CDC42BPB: variants seen among roughly 807,000 people sequenced by gnomAD.
CDC42BPB encodes CDC42 binding protein kinase beta.
CDC42BPB carries 37 observed loss-of-function variants against 214.9 expected under a neutral mutation model. That is an observed-to-expected ratio of 0.17 (90% CI 0.13 to 0.23). CDC42BPB has a LOEUF of 0.23. Among genes scored for constraint, CDC42BPB ranks in the 10% least tolerant of loss-of-function variants. The probability of loss-of-function intolerance (pLI) is 1.00; values close to 1 mark genes in which losing one functional copy is unlikely to be tolerated. For synonymous variants in CDC42BPB, 931 were observed against 884.0 expected, an observed-to-expected ratio of 1.05 and a Z score of -0.94; for missense variants, 1,694 against 2,227.0, an observed-to-expected ratio of 0.76 and a Z score of 4.82.
intron 36 of CDC42BPB, among the ~76,000 whole-genome samples, 158 bp downstream of exon 36, chr14:102,937,946 G>C (rs1264695893): frequency 6.6e-6 from 1 of 152,164 alleles, no homozygotes; most frequent in East Asian, 1.9e-4. Context: ...TCCTGGGGGA[G>C]GGGACAGCCA....
intron 36 of CDC42BPB, among the ~76,000 whole-genome samples, chr14:102,935,225 A>G (rs1349820692): frequency 6.6e-6 from 1 of 152,136 alleles, no homozygotes; most frequent in Non-Finnish European, 1.5e-5. Flanking sequence ...CAAAGAAAAG[A>G]ATCCACAAAA....
At chr14:102,959,546 C>A (rs1381274085) in intron 21 of CDC42BPB, 85 bp downstream of exon 21, 4 of 889,738 alleles carry the variant, frequency 4.5e-6, no homozygotes, top group Non-Finnish European at 7.1e-6. Context: ...GTGTTTGTGG[C>A]CCCATGAGTG....
At chr14:102,975,490 T>A (rs1893696454) in intron 11 of CDC42BPB, among the ~76,000 whole-genome samples, 194 bp downstream of exon 11, 2 of 152,124 alleles carry the variant, frequency 1.3e-5, no homozygotes, top group Admixed American at 1.3e-4. Flanking sequence ...ACCACTGCAC[T>A]CCAGCCTGGG....
rs371071870 is a variant in CDC42BPB, at chr14:103,053,572, T to C, written c.175+3427A>G. ...GTCTGGAGATCGAGACCATCCTGGC[T>C]AACACGGTGAAACCCCGTCTCTACT... On this transcript the variant is annotated intron_variant, in intron 1 of 36. Coordinates refer to ENST00000361246, the MANE Select transcript of CDC42BPB (RefSeq NM_006035.4). Among the ~76,000 whole-genome samples the C allele has an allele frequency of 2.0e-3, 309 of 151,116 alleles. 5 individuals carry two copies. The highest frequency in any genetic ancestry group is 0.015 in the South Asian group (71 of 4,764).
At chr14:103,016,448 T>C (rs934963116) in intron 1 of CDC42BPB, among the ~76,000 whole-genome samples, 9 of 126,986 alleles carry the variant, frequency 7.1e-5, no homozygotes, top group African/African-American at 2.7e-4. Flanking sequence ...TGGGGTGGAG[T>C]GAGGAGGACA....
chr14:102,971,406 C>G (rs145821725), intron 13 of CDC42BPB, among the ~76,000 whole-genome samples: 30 of 152,316 alleles, frequency 2.0e-4, no homozygotes, highest in African/African-American at 6.5e-4. Context: ...TGTAATCATT[C>G]CAACAGTGTC....
At chr14:102,993,128 C>T (rs1377127627) in intron 5 of CDC42BPB, among the ~76,000 whole-genome samples, 1 of 152,134 alleles carries the variant, frequency 6.6e-6, no homozygotes, top group Non-Finnish European at 1.5e-5. Context: ...CTGCACCTGG[C>T]CCATCTGCTG....
At chr14:103,053,672 G>C (rs985280569) in intron 1 of CDC42BPB, among the ~76,000 whole-genome samples, 3 of 149,178 alleles carry the variant, frequency 2.0e-5, no homozygotes, top group African/African-American at 7.4e-5. Context: ...TGAGGCAGGA[G>C]AACAACGTGA....
intron 1 of CDC42BPB, 128 bp downstream of exon 1, chr14:103,056,871 G>C (rs900412189): frequency 3.4e-6 from 2 of 584,880 alleles, no homozygotes; most frequent in Non-Finnish European, 5.3e-6. Context: ...AGGAGGCGAA[G>C]CCCACGAGCT....
At chr14:103,020,225 C>T (rs1022981658) in intron 1 of CDC42BPB, among the ~76,000 whole-genome samples, 1 of 152,344 alleles carries the variant, frequency 6.6e-6, no homozygotes, top group African/African-American at 2.4e-5. Flanking sequence ...TTATCCATTA[C>T]GAATAATACC....
At chr14:103,050,528 G>A (rs935550545) in intron 1 of CDC42BPB, among the ~76,000 whole-genome samples, 1 of 152,220 alleles carries the variant, frequency 6.6e-6, no homozygotes, top group African/African-American at 2.4e-5. Flanking sequence ...GGGAGGCCAA[G>A]GTAGGAGGAT....
At chr14:102,963,410 G>C (rs1415364833) in intron 19 of CDC42BPB, 2 of 397,892 alleles carry the variant, frequency 5.0e-6, no homozygotes, top group African/African-American at 4.4e-5. Context: ...TGGAGCTCTT[G>C]ACCTTCCTAA....
At chr14:103,050,482 G>A (rs147063908) in intron 1 of CDC42BPB, among the ~76,000 whole-genome samples, 26 of 152,286 alleles carry the variant, frequency 1.7e-4, no homozygotes, top group African/African-American at 5.8e-4. Flanking sequence ...CTAACATAGC[G>A]GAGCGCAGTG....
At chr14:103,018,944 T>C (rs1234703941) in intron 1 of CDC42BPB, among the ~76,000 whole-genome samples, 1 of 151,978 alleles carries the variant, frequency 6.6e-6, no homozygotes, top group African/African-American at 2.4e-5. Context: ...CATTCGGTTT[T>C]TTGGTTTGTT....
intron 5 of CDC42BPB, among the ~76,000 whole-genome samples, chr14:102,990,996 A>G (rs915694684): frequency 1.3e-5 from 2 of 152,242 alleles, no homozygotes; most frequent in Non-Finnish European, 1.5e-5. Context: ...GGAGTTTGTG[A>G]GTCAATCTGC....
chr14:103,009,062 T>C (rs1385370898), intron 2 of CDC42BPB, among the ~76,000 whole-genome samples: 1 of 152,232 alleles, frequency 6.6e-6, no homozygotes, highest in African/African-American at 2.4e-5. Flanking sequence ...CATTGTCTGG[T>C]GCATTCCACC....
intron 14 of CDC42BPB, 50 bp from the exon 15 acceptor site, chr14:102,968,766 T>C: frequency 6.2e-7 from 1 of 1,600,836 alleles, no homozygotes; most frequent in Non-Finnish European, 8.5e-7. Context: ...TCCTCAAGGG[T>C]CACACTGTCC....
chr14:102,975,931 T>A lies in CDC42BPB; in HGVS notation c.1339A>T (p.Ile447Phe). 1.2e-6 allele frequency: 2 copies of A among 1,614,188 alleles called. No homozygotes were observed. Among genetic ancestry groups the A allele is most frequent in the Non-Finnish European group, 1.7e-6 (2 of 1,180,034 alleles). The change falls in exon 10 of 37, where the codon ATT becomes TTT. Residue 447 changes from isoleucine (I) to phenylalanine (F), a missense_variant. Ile to Phe is a conservative substitution (Grantham distance 21, BLOSUM62 0). This residue lies in a region of CDC42BPB where 462 missense variants were observed against 513.5 expected (regional missense o/e 0.90). Transcript: ENST00000361246. The part of the protein sequence containing the change: ...SLQMEAYERR[I>F]RRLEQEKLEL... Reference sequence around the variant, plus strand: ...AGCTTCTCCTGTTCCAGCCTCCGAATCCTCCTCTCGTAAGCTTCCATCTGC... The same window carrying A: ...AGCTTCTCCTGTTCCAGCCTCCGAAACCTCCTCTCGTAAGCTTCCATCTGC...
Position 102,954,288 on chromosome 14 carries a change from C to T in CDC42BPB, c.2989-13G>A, listed in dbSNP as rs1290046685. The stretch of plus-strand genomic sequence containing the variant: ...GCCGAGCCATGTCCTGGGAGACAAG[C>T]AGGACAGGTGAGTGTCGGCCCAGCT... On this transcript the variant is annotated splice_polypyrimidine_tract_variant and intron_variant, in intron 22 of 36. Transcript: ENST00000361246. The T allele has an allele frequency of 6.6e-7, 1 of 1,518,102 alleles. No homozygotes were observed. The highest frequency in any genetic ancestry group is 8.8e-7 in the Non-Finnish European group (1 of 1,135,062). 94.0% of individuals were successfully genotyped at this position (1,518,102 alleles called of 1,614,324 possible).
Sources: allele counts gnomAD v4.1 joint callset (sites outside exome capture counted in the v4.1 genomes callset), GRCh38; gene constraint gnomAD v4.1.1; regional missense constraint gnomAD v4.1.1; transcripts MANE v1.5; gene names NCBI Gene and HGNC (gene_info 2026-07-23, HGNC 2026-07-21).